Variants in NRXN3 observed in about 807,000 individuals in gnomAD.
The protein encoded by NRXN3 is neurexin III.
A neutral mutation model predicts 137.6 loss-of-function variants in NRXN3; 32 were observed. The observed-to-expected ratio is 0.23, with a 90% CI of 0.18 to 0.31. The LOEUF is 0.31. Among genes scored for constraint, NRXN3 ranks in the 10% least tolerant of loss-of-function variants. NRXN3 has a pLI of 1.00. For missense variants in NRXN3, 1,574 were observed against 2,062.5 expected (o/e 0.76, Z 4.59); for synonymous variants, 798 against 784.5 (o/e 1.02, Z -0.29).
intron 16 of NRXN3, among the ~76,000 whole-genome samples, chr14:79,654,462 C>G (rs899365816): frequency 6.6e-6 from 1 of 152,124 alleles, no homozygotes; most frequent in African/African-American, 2.4e-5. Flanking sequence ...GTTGCAGCTA[C>G]TCATGTCTGC....
At chr14:79,849,178 C>T (rs1443059913) in intron 20 of NRXN3, among the ~76,000 whole-genome samples, 1 of 152,196 alleles carries the variant, frequency 6.6e-6, no homozygotes, top group African/African-American at 2.4e-5. Flanking sequence ...TCTGCAACGG[C>T]TTCCCAATTG....
Position 78,486,830 on chromosome 14 carries a change from T to C in NRXN3, c.758-158290T>C, listed in dbSNP as rs976999088. Among the ~76,000 whole-genome samples, 6 of 152,304 alleles carry C rather than the reference T, an allele frequency of 3.9e-5. No homozygotes were observed. In the South Asian group the frequency reaches 1.2e-3, roughly 32 times the overall value. ...ATTTATTTGGGCACAGGTAGACTTATAAAAGTAGGTGGGGGTATTGATTAT... is the reference window on the plus strand; with the variant it reads ...ATTTATTTGGGCACAGGTAGACTTACAAAAGTAGGTGGGGGTATTGATTAT... On this transcript the variant is annotated intron_variant, in intron 4 of 20. Transcript: ENST00000335750.
chr14:79,637,435 G>A (rs1033679198), intron 16 of NRXN3, among the ~76,000 whole-genome samples: 8 of 152,126 alleles, frequency 5.3e-5, no homozygotes, highest in African/African-American at 1.9e-4. Context: ...ATTTGAGGTG[G>A]TTGTAGCAAT....
At chr14:79,102,039 T>A (rs1040412533) in intron 15 of NRXN3, among the ~76,000 whole-genome samples, 1 of 152,120 alleles carries the variant, frequency 6.6e-6, no homozygotes, top group Non-Finnish European at 1.5e-5. Context: ...TAAGAGAAAG[T>A]AATGGAACCA....
At chr14:79,403,029 A>G (rs2153496192) in intron 15 of NRXN3, among the ~76,000 whole-genome samples, 1 of 152,300 alleles carries the variant, frequency 6.6e-6, no homozygotes, top group East Asian at 1.9e-4. Context: ...GAAAAGAGAT[A>G]AATAATTTGT....
chr14:79,524,977 G>A (rs554207868), intron 16 of NRXN3, among the ~76,000 whole-genome samples: 63 of 152,158 alleles, frequency 4.1e-4, no homozygotes, highest in African/African-American at 1.5e-3. Flanking sequence ...TGGGTAGGGG[G>A]CAAAACTTTT....
chr14:78,303,684 T>G (rs908960354), intron 4 of NRXN3, among the ~76,000 whole-genome samples: 8 of 152,268 alleles, frequency 5.3e-5, no homozygotes, highest in Admixed American at 6.5e-5. Context: ...GCATCCACAC[T>G]GCATTCTCCT....
intron 3 of NRXN3, among the ~76,000 whole-genome samples, chr14:78,284,881 A>T (rs1444158403): frequency 5.3e-5 from 8 of 152,208 alleles, no homozygotes. Context: ...TAGAGAACCC[A>T]CAGTGTGCCA....
chr14:79,428,344 TA>T (rs902032389), intron 15 of NRXN3, among the ~76,000 whole-genome samples: 100 of 151,974 alleles, frequency 6.6e-4, no homozygotes, highest in African/African-American at 2.2e-3. Flanking sequence ...ATTTTTTAAT[TA>T]AAAAAATAAT....
chr14:79,239,320 AG>A (rs1364115791), intron 15 of NRXN3, among the ~76,000 whole-genome samples: 1 of 152,118 alleles, frequency 6.6e-6, no homozygotes, highest in Admixed American at 6.5e-5. Flanking sequence ...GTCGTGGAGA[AG>A]GGGGAACTAC....
intron 19 of NRXN3, chr14:79,791,191 T>A (rs939754526): frequency 6.6e-6 from 1 of 152,092 alleles, no homozygotes; most frequent in African/African-American, 2.4e-5. Context: ...CCCCTGGGTA[T>A]TGCTAGAATG....
At chr14:79,263,170 A>C (rs1373369548) in intron 15 of NRXN3, among the ~76,000 whole-genome samples, 1 of 152,194 alleles carries the variant, frequency 6.6e-6, no homozygotes, top group Non-Finnish European at 1.5e-5. Context: ...TCTTGAACAC[A>C]TCCTTTAATG....
chr14:78,290,362 A>G (rs1285890809), intron 3 of NRXN3, among the ~76,000 whole-genome samples: 3 of 152,212 alleles, frequency 2.0e-5, no homozygotes, highest in African/African-American at 7.2e-5. Context: ...CTTCAGACAC[A>G]TCATTGATCC....
intron 16 of NRXN3, among the ~76,000 whole-genome samples, chr14:79,556,908 G>A (rs1055193384): frequency 6.6e-6 from 1 of 152,138 alleles, no homozygotes; most frequent in Admixed American, 6.6e-5. Context: ...CATAACAAAG[G>A]CAATTAAAGA....
At chr14:78,538,521 G>A (rs148773642) in intron 4 of NRXN3, among the ~76,000 whole-genome samples, 1,850 of 152,262 alleles carry the variant, frequency 0.012, 16 homozygotes, top group Non-Finnish European at 0.018. Context: ...GGGCTGAGAC[G>A]ATGGGGTTTT....
intron 15 of NRXN3, among the ~76,000 whole-genome samples, chr14:79,073,968 G>A (rs1023156132): frequency 4.6e-5 from 7 of 152,118 alleles, no homozygotes; most frequent in African/African-American, 1.7e-4. Flanking sequence ...TGTAACACAC[G>A]TAGAAAAGTA....
chr14:79,358,607 G>GAGAAAGAAAGAAAGAA (rs751796019), intron 15 of NRXN3, among the ~76,000 whole-genome samples: 3,926 of 79,732 alleles, frequency 0.049, 212 homozygotes, highest in East Asian at 0.063. Context: ...AAGAAAGAAA[G>GAGAAAGAAAGAAAGAA]AGAAAGAAAG....
intron 16 of NRXN3, among the ~76,000 whole-genome samples, chr14:79,576,114 T>C (rs73326050): frequency 0.16 from 23,951 of 152,188 alleles, 2,362 homozygotes; most frequent in African/African-American, 0.28. Flanking sequence ...TCTGTCTCTC[T>C]GGCATTATCC....
chr14:79,368,222 T>C (rs2093968434), intron 15 of NRXN3, among the ~76,000 whole-genome samples: 1 of 152,184 alleles, frequency 6.6e-6, no homozygotes, highest in African/African-American at 2.4e-5. Context: ...GTTGGCCAAA[T>C]TTCATGTGGC....
Sources: allele counts gnomAD v4.1 joint callset (sites outside exome capture counted in the v4.1 genomes callset), GRCh38; gene constraint gnomAD v4.1.1; transcripts MANE v1.5; gene names NCBI Gene and HGNC (gene_info 2026-07-23, HGNC 2026-07-21).